The following UNC13A variants were observed in gnomAD, a reference collection of about 807,000 sequenced individuals.
UNC13A encodes unc-13 homolog A, also known as protein unc-13 homolog A.
In UNC13A, 61 loss-of-function variants were observed where a neutral mutation model predicts 219.7. That is an observed-to-expected ratio of 0.28 (90% CI 0.23 to 0.34). The LOEUF is 0.34. Ranked by LOEUF, UNC13A falls within the 10% of genes least tolerant of loss-of-function variation. The pLI is 1.00. For synonymous variants in UNC13A, 920 were observed against 884.6 expected (o/e 1.04, Z -0.71); for missense variants, 1,476 against 2,270.3 (o/e 0.65, Z 7.11).
chr19:17,657,580 G>A (rs971663790), intron 9 of UNC13A, among the ~76,000 whole-genome samples: 1 of 152,060 alleles, frequency 6.6e-6, no homozygotes, highest in Middle Eastern at 3.2e-3. Flanking sequence ...ATCATTTCCC[G>A]ATTAGATACC....
At position 17,649,532 on chromosome 19, in the gene UNC13A, G is replaced by T; in HGVS notation, c.1495C>A (p.Pro499Thr). The T allele has an allele frequency of 3.7e-6, 6 of 1,613,906 alleles. No homozygotes were observed. The South Asian group carries it at 6.6e-5, about 18-fold the overall frequency. The change falls in exon 13 of 44, where the codon CCT becomes ACT. Residue 499 changes from proline (P) to threonine (T), a missense_variant. By Grantham distance (38) the Pro-to-Thr change is conservative. Around this residue, in one of 14 missense-constraint regions of UNC13A, gnomAD observed 85 missense variants for 211.5 expected, o/e 0.40. Coordinates refer to ENST00000519716, the MANE Select transcript of UNC13A (RefSeq NM_001080421.3). This position sits in a 1 kb window ranked among gnomAD's most constrained non-coding sequence, Gnocchi z 4.4. ...ACCAAGTCGCTCACGAGTGGGATAG[G>T]TTTCCTCTTGCGGATGTCTGGCATG... ...DSMPDIRKRK[P>T]IPLVSDLAMS...
intron 5 of UNC13A, 135 bp downstream of exon 5, chr19:17,669,418 C>A: frequency 2.3e-6 from 3 of 1,288,238 alleles, no homozygotes; most frequent in South Asian, 1.7e-5. Flanking sequence ...TCTCTCTCCT[C>A]CGGGGCGAAG....
chr19:17,668,093 G>A (rs2079695652), intron 6 of UNC13A, 24 bp downstream of exon 6: 2 of 1,610,474 alleles, frequency 1.2e-6, no homozygotes, highest in Non-Finnish European at 1.7e-6. Flanking sequence ...GGAAGAAACA[G>A]TCCCCTCCCA....
At chr19:17,632,953 C>T in intron 27 of UNC13A, 45 bp from the exon 28 acceptor site, 1 of 1,612,860 alleles carries the variant, frequency 6.2e-7, no homozygotes, top group Non-Finnish European at 8.5e-7. Context: ...GGGTCTGCCA[C>T]CCTCTGTCTC....
rs185170956 is a variant in UNC13A, at chr19:17,664,377, C to T, written c.524-810G>A. Among the ~76,000 whole-genome samples, 420 of 152,308 alleles carry T rather than the reference C, an allele frequency of 2.8e-3. 2 individuals carry two copies. The highest frequency in any genetic ancestry group is 9.6e-3 in the African/African-American group (397 of 41,560). On this transcript the variant is annotated intron_variant, in intron 7 of 43. Coordinates refer to ENST00000519716, the MANE Select transcript of UNC13A (RefSeq NM_001080421.3). The stretch of plus-strand genomic sequence containing the variant: ...AGCCCAAAGTCACAGAGCCTCTGCG[C>T]ATCAGGGCCAGGGCGAGAACCACCT...
At chr19:17,657,572 C>A (rs1449160829) in intron 9 of UNC13A, among the ~76,000 whole-genome samples, 1 of 152,170 alleles carries the variant, frequency 6.6e-6, no homozygotes, top group Non-Finnish European at 1.5e-5. Flanking sequence ...CGAACCTTAT[C>A]ATTTCCCGAT....
At chr19:17,644,962 G>C (rs563047321) in intron 19 of UNC13A, among the ~76,000 whole-genome samples, 4 of 150,708 alleles carry the variant, frequency 2.7e-5, no homozygotes, top group African/African-American at 9.8e-5. Flanking sequence ...ATAGTGATAG[G>C]ATTAATTACA....
rs139578021 is a variant in UNC13A, at chr19:17,664,268, G to C, written c.524-701C>G. 1.1e-3 allele frequency among the ~76,000 whole-genome samples: 172 copies of C among 152,234 alleles called. 1 individual carries two copies. Among genetic ancestry groups the C allele is most frequent in the South Asian group, 4.1e-3 (20 of 4,824 alleles). ...GACACACTAAATTGGAAACCCTAAG[G>C]TTTGAAACACCCCTGTTGGGTGGAT... is the stretch of plus-strand genomic sequence containing the variant. On this transcript the variant is annotated intron_variant, in intron 7 of 43. Transcript: ENST00000519716.
In UNC13A at chr19:17,675,998, G is replaced by A; in HGVS notation, c.52+14C>T. On this transcript the variant is annotated intron_variant, in intron 2 of 43. Transcript: ENST00000519716. ...CAGACAACACGGGACAGGACAGCAA[G>A]AGAAGCCACTTACCTTGGGCACCAT... 1.3e-6 allele frequency: 2 copies of A among 1,551,360 alleles called. No individual in the cohort carries two copies. Among genetic ancestry groups the A allele is most frequent in the Non-Finnish European group, 1.7e-6 (2 of 1,146,950 alleles).
intron 43 of UNC13A, among the ~76,000 whole-genome samples, chr19:17,607,929 G>C (rs1005273486): frequency 2.7e-5 from 4 of 147,866 alleles, no homozygotes; most frequent in African/African-American, 1.0e-4. Context: ...GCCCAGGCTG[G>C]AGTGCCGTGG....
intron 26 of UNC13A, among the ~76,000 whole-genome samples, chr19:17,634,792 T>A (rs1235425577): frequency 6.6e-6 from 1 of 152,146 alleles, no homozygotes; most frequent in East Asian, 1.9e-4. Flanking sequence ...GCCTCCTGGG[T>A]TCAAGCAATT....
chr19:17,639,715 A>G (rs2076947585), intron 23 of UNC13A, 125 bp downstream of exon 23: 3 of 1,230,140 alleles, frequency 2.4e-6, no homozygotes, highest in South Asian at 2.7e-5. Context: ...AGGTGCACAC[A>G]TGCTGGAGGA....
intron 11 of UNC13A, among the ~76,000 whole-genome samples, chr19:17,653,821 C>CTTTTTTTTTTT (rs57243215): frequency 1.3e-5 from 1 of 78,256 alleles, no homozygotes; most frequent in East Asian, 3.4e-4. Context: ...TATCACTTCT[C>CTTTTTTTTTTT]TTTTTTTTTT....
chr19:17,650,153 G>A (rs1568526633), intron 12 of UNC13A, among the ~76,000 whole-genome samples: 1 of 152,170 alleles, frequency 6.6e-6, no homozygotes, highest in Non-Finnish European at 1.5e-5. Context: ...GAAAAATGGG[G>A]AGATGATGTA....
chr19:17,648,567 C>T lies in UNC13A; in HGVS notation c.1680G>A (p.Thr560=), dbSNP rs1457896461. 9 of 1,614,092 alleles carry T rather than the reference C, an allele frequency of 5.6e-6. No individual in the cohort carries two copies. Among genetic ancestry groups the T allele is most frequent in the Admixed American group, 5.0e-5 (3 of 60,022 alleles). ...CGTAGCAGTAGGTGGGCGTGGTGGC[C>T]GTCCACACTTCGAAGTTGTGTGGCG... ...CTTPHNFEVW[T]ATTPTYCYEC... The change falls in exon 16 of 44, where the codon ACG becomes ACA. Residue 560 remains threonine, a synonymous_variant. Transcript: ENST00000519716.
intron 41 of UNC13A, among the ~76,000 whole-genome samples, chr19:17,613,493 C>G (rs1466916853): frequency 6.6e-6 from 1 of 151,988 alleles, no homozygotes; most frequent in Non-Finnish European, 1.5e-5. Context: ...ACCTGCAACA[C>G]CCCTTCCAAT....
At position 17,605,679 on chromosome 19, in the gene UNC13A, C is replaced by T. The variant is rs576256584; in HGVS notation, c.*375G>A. 1 of 200,566 alleles carries T rather than the reference C, an allele frequency of 5.0e-6. No individual in the cohort carries two copies. The highest frequency in any genetic ancestry group is 6.1e-5 in the Admixed American group (1 of 16,314). The allele number at this position is 200,566 out of a possible 1,614,324, so 12.4% of individuals were successfully genotyped here. A position where few individuals can be genotyped will look rare whatever the true frequency, so the allele number is the denominator to read the frequency against. ...GGGGTCCCAGGGGTCTGGGTCCCAT[C>T]TTATGGCTTTTCCAGGGGACATGAG... On this transcript the variant is annotated 3_prime_UTR_variant, in exon 44 of 44. Transcript: ENST00000519716.
At chr19:17,606,730 C>G (rs2144902774) in intron 43 of UNC13A, among the ~76,000 whole-genome samples, 1 of 152,256 alleles carries the variant, frequency 6.6e-6, no homozygotes, top group Non-Finnish European at 1.5e-5. Flanking sequence ...ACGGCCCTGC[C>G]CCTAATGTCC....
chr19:17,633,010 C>G, intron 27 of UNC13A, 98 bp downstream of exon 27: 1 of 1,607,064 alleles, frequency 6.2e-7, no homozygotes, highest in South Asian at 1.1e-5. Flanking sequence ...CCAACTCAGG[C>G]ATGAGGGTAT....
Sources: gnomAD v4.1 joint callset for allele counts (sites outside exome capture counted in the v4.1 genomes callset) on GRCh38, gnomAD v4.1.1 for gene constraint, gnomAD v4.1.1 regional missense constraint, Gnocchi (gnomAD v3.1) non-coding constraint, MANE v1.5 for transcripts, NCBI Gene and HGNC (gene_info 2026-07-23, HGNC 2026-07-21) for gene names.